Variants in NHERF4 observed in about 807,000 individuals in gnomAD.
NHERF4 encodes Na(+)/H(+) exchange regulatory cofactor NHE-RF4.
chr11:119,186,323 C>G, the NHERF4 span: 3 of 1,572,814 alleles, frequency 1.9e-6, no homozygotes, highest in Non-Finnish European at 2.6e-6. The surrounding 1 kb of genome is among the most constrained non-coding windows in gnomAD (Gnocchi z 4.4). Flanking sequence ...TCTCCTGTCC[C>G]AGTCCCTCTG....
At chr11:119,187,413 C>T in the NHERF4 span, 1 of 1,614,008 alleles carries the variant, frequency 6.2e-7, no homozygotes, top group Non-Finnish European at 8.5e-7. Context: ...CCCGGCTGTG[C>T]CACATAGTGA....
At chr11:119,188,269 C>T in the NHERF4 span, 5 of 1,580,314 alleles carry the variant, frequency 3.2e-6, no homozygotes, top group Non-Finnish European at 4.3e-6. Context: ...GCCGCCTCTT[C>T]CCGTTCACTC....
chr11:119,187,930 G>C, the NHERF4 span: 1 of 1,543,404 alleles, frequency 6.5e-7, no homozygotes, highest in South Asian at 1.2e-5. Flanking sequence ...GCCCTGCTGG[G>C]TCCCCACAGC....
chr11:119,186,617 G>C, the NHERF4 span: 71 of 1,613,650 alleles, frequency 4.4e-5, 1 homozygote, highest in East Asian at 1.5e-3. This position sits in a 1 kb window ranked among gnomAD's most constrained non-coding sequence, Gnocchi z 4.4. Context: ...TCTGCCCAGC[G>C]CCAGGGTCTT....
At chr11:119,187,352 A>G in the NHERF4 span, 4 of 1,613,846 alleles carry the variant, frequency 2.5e-6, no homozygotes, top group Non-Finnish European at 3.4e-6. Flanking sequence ...GCCCGAGCTC[A>G]GCTGGGAGAA....
the NHERF4 span, chr11:119,188,043 G>A: frequency 1.3e-6 from 2 of 1,554,652 alleles, no homozygotes; most frequent in Admixed American, 2.0e-5. Context: ...CTGGCAGAGG[G>A]CTGGGCACTG....
At chr11:119,188,508 C>T in the NHERF4 span, 2 of 1,605,474 alleles carry the variant, frequency 1.2e-6, no homozygotes, top group East Asian at 2.2e-5. Context: ...TCCTGTGTCT[C>T]CCTCACTGTC....
At chr11:119,189,618 C>A in the NHERF4 span, 1 of 1,129,044 alleles carries the variant, frequency 8.9e-7, no homozygotes, top group Non-Finnish European at 1.3e-6. The surrounding 1 kb of genome is among the most constrained non-coding windows in gnomAD (Gnocchi z 5.8). Flanking sequence ...CGATCACAGG[C>A]TGGCCCAGGT....
At chr11:119,186,795 AC>A in the NHERF4 span, 2 of 1,156,880 alleles carry the variant, frequency 1.7e-6, no homozygotes, top group Non-Finnish European at 2.4e-6. This position sits in a 1 kb window ranked among gnomAD's most constrained non-coding sequence, Gnocchi z 4.4. Flanking sequence ...ACTCCCCCAC[AC>A]CCCAGGATTT....
At chr11:119,187,959 A>T in the NHERF4 span, 3 of 1,571,962 alleles carry the variant, frequency 1.9e-6, no homozygotes, top group East Asian at 6.9e-5. Context: ...AGTGGACAGC[A>T]GGTGACCTTG....
the NHERF4 span, chr11:119,185,675 T>A: frequency 1.3e-6 from 1 of 775,352 alleles, no homozygotes; most frequent in Non-Finnish European, 2.2e-6. Context: ...TCTGTCTTCC[T>A]GGTCCACACC....
the NHERF4 span, chr11:119,185,519 C>T: frequency 8.7e-6 from 14 of 1,613,576 alleles, no homozygotes; most frequent in African/African-American, 9.3e-5. Context: ...AGGTAGGAGG[C>T]CAGGAGAAAT....
At chr11:119,186,322 C>T in the NHERF4 span, 7 of 1,571,814 alleles carry the variant, frequency 4.5e-6, no homozygotes, top group Non-Finnish European at 6.1e-6. This position sits in a 1 kb window ranked among gnomAD's most constrained non-coding sequence, Gnocchi z 4.4. Flanking sequence ...TTCTCCTGTC[C>T]CAGTCCCTCT....
At chr11:119,186,678 A>T in the NHERF4 span, 1 of 1,606,352 alleles carries the variant, frequency 6.2e-7, no homozygotes, top group Non-Finnish European at 8.5e-7. This position sits in a 1 kb window ranked among gnomAD's most constrained non-coding sequence, Gnocchi z 4.4. Flanking sequence ...TGGAACACGA[A>T]GACTATGCGG....
At chr11:119,187,668 G>A in the NHERF4 span, 1 of 1,536,530 alleles carries the variant, frequency 6.5e-7, no homozygotes, top group East Asian at 2.4e-5. Flanking sequence ...GGTCAGTGTG[G>A]AGAAGTTCAC....
chr11:119,187,734 A>G, the NHERF4 span: 239 of 1,476,584 alleles, frequency 1.6e-4, no homozygotes, highest in Non-Finnish European at 2.1e-4. Context: ...TCCTCCCCCA[A>G]TCCGGGCCTG....
At chr11:119,186,307 G>C in the NHERF4 span, 158 of 1,588,430 alleles carry the variant, frequency 9.9e-5, no homozygotes, top group Non-Finnish European at 1.3e-4. This position sits in a 1 kb window ranked among gnomAD's most constrained non-coding sequence, Gnocchi z 4.4. Context: ...GAGGGGCCGG[G>C]TGTTTTCTCC....
chr11:119,190,035 C>T, the NHERF4 span: 3 of 440,458 alleles, frequency 6.8e-6, no homozygotes, highest in South Asian at 3.8e-5. The surrounding 1 kb of genome is among the most constrained non-coding windows in gnomAD (Gnocchi z 4.2). Context: ...GGGTGGGATG[C>T]GGCTCCTGCA....
chr11:119,189,519 T>G, the NHERF4 span: 1 of 1,612,488 alleles, frequency 6.2e-7, no homozygotes, highest in Admixed American at 1.7e-5. The surrounding 1 kb of genome is among the most constrained non-coding windows in gnomAD (Gnocchi z 5.8). Context: ...ACAGACATAC[T>G]CAGGGGCTAC....
Sources: gnomAD v4.1 joint callset for allele counts on GRCh38, gnomAD v4.1.1 for gene constraint, Gnocchi (gnomAD v3.1) non-coding constraint, MANE v1.5 for transcripts, NCBI Gene and HGNC (gene_info 2026-07-23, HGNC 2026-07-21) for gene names.